ENPP2: variants seen among roughly 807,000 people sequenced by gnomAD.
ENPP2 encodes the protein autotaxin.
Under a neutral mutation model 120.2 loss-of-function variants are expected in ENPP2, and 51 were observed. That is an observed-to-expected ratio of 0.42 (90% CI 0.34 to 0.54). ENPP2 has a LOEUF of 0.54. ENPP2 is among the 20% of genes least tolerant of loss of function. The probability of loss-of-function intolerance (pLI) is 0.04; values close to 1 mark genes in which losing one functional copy is unlikely to be tolerated. For missense variants in ENPP2, 920 were observed against 1,066.5 expected, an observed-to-expected ratio of 0.86 and a Z score of 1.91; for synonymous variants, 365 against 366.4, an observed-to-expected ratio of 1.00 and a Z score of 0.04.
At chr8:119,666,131 A>T (rs1452571246) in intron 1 of ENPP2, among the ~76,000 whole-genome samples, 2 of 152,272 alleles carry the variant, frequency 1.3e-5, no homozygotes, top group African/African-American at 4.8e-5. Flanking sequence ...ACATACACAT[A>T]AAAGAATATA....
chr8:119,568,821 A>G (rs1225605991), intron 21 of ENPP2, among the ~76,000 whole-genome samples: 1 of 151,874 alleles, frequency 6.6e-6, no homozygotes, highest in Middle Eastern at 3.2e-3. Context: ...CTCATCTCGA[A>G]CTCCTGGACT....
At chr8:119,573,685 G>A (rs1423756183) in intron 19 of ENPP2, among the ~76,000 whole-genome samples, 3 of 152,082 alleles carry the variant, frequency 2.0e-5, no homozygotes, top group East Asian at 1.9e-4. Context: ...GGTAGCACAC[G>A]CCTGTAATCC....
intron 2 of ENPP2, among the ~76,000 whole-genome samples, chr8:119,627,070 G>A (rs1816330701): frequency 6.6e-6 from 1 of 152,126 alleles, no homozygotes; most frequent in Admixed American, 6.5e-5. Flanking sequence ...AATCTGTGAT[G>A]ATTAGTGCCC....
intron 3 of ENPP2, among the ~76,000 whole-genome samples, chr8:119,623,429 C>T (rs922213179): frequency 7.9e-5 from 12 of 152,052 alleles, no homozygotes; most frequent in African/African-American, 2.9e-4. Context: ...CATGCCATTG[C>T]ACTCCAGCAT....
intron 1 of ENPP2, among the ~76,000 whole-genome samples, chr8:119,654,421 ATATT>A (rs1461157886): frequency 6.9e-6 from 1 of 145,514 alleles, no homozygotes; most frequent in Admixed American, 7.0e-5. Context: ...ATAATATAAA[ATATT>A]TATAGTATAA....
chr8:119,599,003 G>GTGTTT (rs1445522884), intron 11 of ENPP2, among the ~76,000 whole-genome samples: 3 of 152,162 alleles, frequency 2.0e-5, no homozygotes, highest in East Asian at 3.9e-4. Context: ...AACTGCTTAG[G>GTGTTT]TGTTTTGTTT....
At chr8:119,661,821 T>C (rs1056540902) in intron 1 of ENPP2, among the ~76,000 whole-genome samples, 6 of 152,140 alleles carry the variant, frequency 3.9e-5, no homozygotes, top group Non-Finnish European at 8.8e-5. Context: ...ATATACACAA[T>C]GGAATACTAG....
chr8:119,615,304 A>G (rs1180337200), intron 8 of ENPP2, among the ~76,000 whole-genome samples: 1 of 152,076 alleles, frequency 6.6e-6, no homozygotes, highest in Non-Finnish European at 1.5e-5. Context: ...ACCACTTACC[A>G]TCTTACTTCT....
chr8:119,630,931 G>T, intron 2 of ENPP2, among the ~76,000 whole-genome samples: 1 of 145,650 alleles, frequency 6.9e-6, no homozygotes. Flanking sequence ...TTTTGCTCTT[G>T]TCACCCAGGC....
Position 119,586,179 on chromosome 8 carries a change from C to A in ENPP2, c.1367+7G>T. On this transcript the variant is annotated splice_region_variant and intron_variant, in intron 15 of 24. Transcript: ENST00000075322. ...TGAGAAACAGAAATAGCCCATATAC[C>A]AGTTACCTTGCAACATGCCATCTGC... 3.7e-6 allele frequency: 6 copies of A among 1,613,590 alleles called. No individual in the cohort carries two copies. The highest frequency in any genetic ancestry group is 4.2e-6 in the Non-Finnish European group (5 of 1,179,762).
intron 2 of ENPP2, among the ~76,000 whole-genome samples, chr8:119,626,943 A>G (rs1389202056): frequency 6.6e-6 from 1 of 152,250 alleles, no homozygotes; most frequent in African/African-American, 2.4e-5. Flanking sequence ...CTCTATGTTG[A>G]AAAGAGAATT....
At chr8:119,585,223 C>T (rs1813019930) in intron 15 of ENPP2, among the ~76,000 whole-genome samples, 1 of 152,146 alleles carries the variant, frequency 6.6e-6, no homozygotes, top group South Asian at 2.1e-4. Context: ...GAGGATTTCC[C>T]ACAACTGTTT....
At chr8:119,561,740 C>A (rs892293352) in intron 24 of ENPP2, among the ~76,000 whole-genome samples, 1 of 152,028 alleles carries the variant, frequency 6.6e-6, no homozygotes, top group Non-Finnish European at 1.5e-5. Flanking sequence ...TAACTAGTAG[C>A]AAACCTGATT....
intron 3 of ENPP2, among the ~76,000 whole-genome samples, chr8:119,623,646 GAC>G (rs1816065969): frequency 6.6e-6 from 1 of 151,778 alleles, no homozygotes; most frequent in Non-Finnish European, 1.5e-5. Flanking sequence ...GTTTTTTTGA[GAC>G]AGAGTCTCAC....
At chr8:119,561,513 G>A (rs1813928255) in intron 24 of ENPP2, among the ~76,000 whole-genome samples, 1 of 152,144 alleles carries the variant, frequency 6.6e-6, no homozygotes, top group Admixed American at 6.5e-5. Flanking sequence ...CAACCTTTGA[G>A]CACAAACTTT....
At chr8:119,591,400 G>A (rs1279662749) in intron 12 of ENPP2, among the ~76,000 whole-genome samples, 1 of 152,112 alleles carries the variant, frequency 6.6e-6, no homozygotes, top group African/African-American at 2.4e-5. Flanking sequence ...TCCCCATCAA[G>A]GAAAATTCTT....
At chr8:119,663,325 A>G (rs1817979416) in intron 1 of ENPP2, among the ~76,000 whole-genome samples, 1 of 152,330 alleles carries the variant, frequency 6.6e-6, no homozygotes, top group Middle Eastern at 3.4e-3. Context: ...GACTTTTAAA[A>G]TATCGAAAAA....
chr8:119,672,634 G>T (rs1818284126), intron 1 of ENPP2, among the ~76,000 whole-genome samples: 1 of 152,188 alleles, frequency 6.6e-6, no homozygotes, highest in Admixed American at 6.5e-5. Flanking sequence ...CCGTTTGAAA[G>T]GCTTGTTCAA....
At chr8:119,642,901 A>C (rs965301), upstream of ENPP2, among the ~76,000 whole-genome samples, 6 of 151,990 alleles carry the variant, frequency 3.9e-5, no homozygotes, top group African/African-American at 1.5e-4. Context: ...AAGTGATAGA[A>C]GGTTGTCGTT....
Sources: allele counts gnomAD v4.1 joint callset (sites outside exome capture counted in the v4.1 genomes callset), GRCh38; gene constraint gnomAD v4.1.1; transcripts MANE v1.5; gene names NCBI Gene and HGNC (gene_info 2026-07-23, HGNC 2026-07-21).